Variants in PIGB observed in about 807,000 individuals in gnomAD.
The protein encoded by PIGB is GPI alpha-1,2-mannosyltransferase 3.
Under a neutral mutation model 68.4 loss-of-function variants are expected in PIGB, and 58 were observed. The observed-to-expected ratio is 0.85, with a 90% CI of 0.69 to 1.06. PIGB has a LOEUF of 1.06. Ranked by LOEUF, PIGB falls within the 50% of genes least tolerant of loss-of-function variation. The pLI is 0.00. For missense variants in PIGB, 634 were observed against 655.8 expected, an observed-to-expected ratio of 0.97 and a Z score of 0.36; for synonymous variants, 219 against 220.5, an observed-to-expected ratio of 0.99 and a Z score of 0.06.
intron 3 of PIGB, among the ~76,000 whole-genome samples, chr15:55,323,156 TATTG>T (rs1274321045): frequency 1.3e-5 from 2 of 152,142 alleles, no homozygotes; most frequent in Non-Finnish European, 2.9e-5. Context: ...CATACTCTCA[TATTG>T]ATTATTTTAA....
chr15:55,327,377 G>A (rs1163197028), intron 3 of PIGB, among the ~76,000 whole-genome samples, 154 bp from the exon 4 acceptor site: 1 of 151,994 alleles, frequency 6.6e-6, no homozygotes, highest in Non-Finnish European at 1.5e-5. Context: ...ATGTAGGGAT[G>A]TAGTTTTGTG....
chr15:55,336,234 T>C (rs906294735), intron 6 of PIGB, among the ~76,000 whole-genome samples: 5 of 151,846 alleles, frequency 3.3e-5, no homozygotes, highest in Admixed American at 3.3e-4. Flanking sequence ...AATTTAAAAA[T>C]TGGCCAAGTA....
intron 8 of PIGB, among the ~76,000 whole-genome samples, 180 bp from the exon 9 acceptor site, chr15:55,341,558 A>G (rs2055671061): frequency 6.6e-6 from 1 of 152,192 alleles, no homozygotes; most frequent in South Asian, 2.1e-4. Context: ...TAGTTTTACC[A>G]TATCATAATC....
At chr15:55,319,562 T>G (rs1370778697) in intron 1 of PIGB, 149 bp downstream of exon 1, 3 of 604,352 alleles carry the variant, frequency 5.0e-6, no homozygotes, top group Non-Finnish European at 8.3e-6. Flanking sequence ...CAGATTTTAA[T>G]ATAAATTCTG....
chr15:55,326,082 A>G (rs1270542283), intron 3 of PIGB, among the ~76,000 whole-genome samples: 1 of 151,974 alleles, frequency 6.6e-6, no homozygotes, highest in African/African-American at 2.4e-5. Flanking sequence ...CTGTAGTCCC[A>G]GCTACTCAGG....
intron 1 of PIGB, 22 bp downstream of exon 1, chr15:55,319,435 G>T (rs1279478494): frequency 6.5e-7 from 1 of 1,546,280 alleles, no homozygotes; most frequent in African/African-American, 1.4e-5. Context: ...GACACTGTCT[G>T]GAGAGCTCCT....
At chr15:55,341,833 A>T in intron 9 of PIGB, 31 bp downstream of exon 9, 1 of 994,986 alleles carries the variant, frequency 1.0e-6, no homozygotes, top group Non-Finnish European at 1.4e-6. Flanking sequence ...TAGAAAATAA[A>T]TTATATAGAA....
chr15:55,350,792 T>C lies in PIGB; in HGVS notation c.1217T>C (p.Val406Ala). Residue 406 changes from valine (V) to alanine (A), a missense_variant, in exon 10 of 12, where the codon GTT (valine) becomes GCT (alanine). Physicochemically the swap from Val to Ala is moderately conservative, Grantham distance 64. Coordinates refer to ENST00000164305, the MANE Select transcript of PIGB (RefSeq NM_004855.5). ...NLFLALYTGL[V>A]HQRGTLDVMS... ...TTCCTCGCCCTTTATACTGGTTTAG[T>C]TCATCAACGAGGTACTCTTGATGTC... 3.7e-6 allele frequency: 6 copies of C among 1,612,030 alleles called. No homozygotes were observed. The highest frequency in any genetic ancestry group is 4.2e-6 in the Non-Finnish European group (5 of 1,178,204).
chr15:55,354,257 G>C (rs1321459767), intron 10 of PIGB, among the ~76,000 whole-genome samples: 1 of 151,830 alleles, frequency 6.6e-6, no homozygotes, highest in Non-Finnish European at 1.5e-5. Context: ...GCAGTGAGCT[G>C]AGATTGCGCC....
At chr15:55,352,945 GAA>G (rs1466832785) in intron 10 of PIGB, among the ~76,000 whole-genome samples, 1 of 152,044 alleles carries the variant, frequency 6.6e-6, no homozygotes, top group Non-Finnish European at 1.5e-5. Context: ...ATACAGTTTA[GAA>G]AAATGGAGAT....
At position 55,324,750 on chromosome 15, in the gene PIGB, A is replaced by C. The variant is rs897358011; in HGVS notation, c.418-2781A>C. 2.3e-5 allele frequency: 21 copies of C among 924,798 alleles called. No homozygotes were observed. The African/African-American group carries it at 2.3e-4, about 10-fold the overall frequency. The allele number at this position is 924,798 out of a possible 1,614,324, so 57.3% of individuals were successfully genotyped here. On this transcript the variant is annotated intron_variant, in intron 3 of 11. Coordinates refer to ENST00000164305, the MANE Select transcript of PIGB (RefSeq NM_004855.5). ...GTTGGCTCATATTAAGTTTGTAGCCAAATTGACTTTTCATATGAACTGCTT... is the reference window on the plus strand; with the variant it reads ...GTTGGCTCATATTAAGTTTGTAGCCCAATTGACTTTTCATATGAACTGCTT...
chr15:55,323,435 C>A (rs2055210622), intron 3 of PIGB, among the ~76,000 whole-genome samples: 1 of 151,988 alleles, frequency 6.6e-6, no homozygotes, highest in East Asian at 1.9e-4. Context: ...ACAGCCTGGG[C>A]AACATAGCAA....
intron 9 of PIGB, among the ~76,000 whole-genome samples, chr15:55,347,174 C>T (rs2055813394): frequency 6.6e-6 from 1 of 152,266 alleles, no homozygotes. Context: ...TGGCTCACGC[C>T]TGTAATCCCA....
chr15:55,337,297 A>G (rs972917433), intron 6 of PIGB, among the ~76,000 whole-genome samples: 3 of 152,184 alleles, frequency 2.0e-5, no homozygotes, highest in East Asian at 1.9e-4. Flanking sequence ...AGCTAAATAA[A>G]TACATAGTTG....
intron 3 of PIGB, among the ~76,000 whole-genome samples, chr15:55,324,554 A>G (rs1169857214): frequency 1.3e-5 from 2 of 152,218 alleles, no homozygotes; most frequent in Admixed American, 1.3e-4. Flanking sequence ...ATAATCATAG[A>G]TAGTATCCTC....
At chr15:55,323,091 T>C (rs1486818184) in intron 3 of PIGB, among the ~76,000 whole-genome samples, 1 of 152,196 alleles carries the variant, frequency 6.6e-6, no homozygotes, top group Non-Finnish European at 1.5e-5. Flanking sequence ...AAGGAACTCA[T>C]TGTCGTATCT....
chr15:55,343,163 G>A (rs530011184), intron 9 of PIGB: 5 of 152,212 alleles, frequency 3.3e-5, no homozygotes, highest in African/African-American at 1.2e-4. Flanking sequence ...TTAAAAATCT[G>A]TATTTTTGAT....
At chr15:55,355,253 C>T in intron 11 of PIGB, 33 bp from the exon 12 acceptor site, 8 of 1,554,986 alleles carry the variant, frequency 5.1e-6, no homozygotes, top group Non-Finnish European at 7.0e-6. Flanking sequence ...CAAAATGTAG[C>T]CTTTATTTAC....
chr15:55,339,126 G>A, intron 6 of PIGB, 141 bp from the exon 7 acceptor site: 1 of 647,172 alleles, frequency 1.5e-6, no homozygotes, highest in Non-Finnish European at 2.7e-6. Flanking sequence ...CTTTCAAAAT[G>A]TGTAAATCTA....
Sources: allele counts gnomAD v4.1 joint callset (sites outside exome capture counted in the v4.1 genomes callset), GRCh38; gene constraint gnomAD v4.1.1; transcripts MANE v1.5; gene names NCBI Gene and HGNC (gene_info 2026-07-23, HGNC 2026-07-21).